Variants in TAPT1 observed in about 807,000 individuals in gnomAD.
TAPT1 encodes transmembrane anterior posterior transformation protein 1 homolog.
TAPT1 carries 28 observed loss-of-function variants against 65.6 expected under a neutral mutation model. The observed-to-expected ratio is 0.43, with a 90% CI of 0.32 to 0.59. The LOEUF (loss-of-function observed/expected upper bound fraction) is 0.59. Ranked by LOEUF, TAPT1 falls within the 20% of genes least tolerant of loss-of-function variation. TAPT1 has a pLI of 0.09. For missense variants in TAPT1, 563 were observed against 679.9 expected (o/e 0.83, Z 1.91); for synonymous variants, 278 against 245.2 (o/e 1.13, Z -1.25).
intron 12 of TAPT1, among the ~76,000 whole-genome samples, chr4:16,167,046 G>C (rs988968058): frequency 1.4e-5 from 2 of 143,414 alleles, no homozygotes; most frequent in African/African-American, 5.2e-5. Flanking sequence ...CCAGGCTGGA[G>C]TGCAGTGGCA....
In TAPT1 at chr4:16,167,041, C is replaced by T. The variant is rs4395495; in HGVS notation, c.1314-248G>A. On this transcript the variant is annotated intron_variant, in intron 12 of 13. Coordinates refer to ENST00000405303, the MANE Select transcript of TAPT1 (RefSeq NM_153365.3). Reference sequence around the variant, plus strand: ...ACAGAGTCTCACTCTGTCACCCAGGCTGGAGTGCAGTGGCACAATCTTGGC... The same window carrying T: ...ACAGAGTCTCACTCTGTCACCCAGGTTGGAGTGCAGTGGCACAATCTTGGC... 0.47 allele frequency among the ~76,000 whole-genome samples: 67,059 copies of T among 142,504 alleles called. 16,827 individuals are homozygous for T. Among genetic ancestry groups the T allele is most frequent in the African/African-American group, 0.66 (24,986 of 37,868 alleles). The allele number at this position is 142,504 out of a possible 152,430, so 93.5% of individuals were successfully genotyped here. A position where few individuals can be genotyped will look rare whatever the true frequency, so the allele number is the denominator to read the frequency against.
At chr4:16,165,587 T>TA (rs1229076890) in intron 13 of TAPT1, among the ~76,000 whole-genome samples, 1 of 142,278 alleles carries the variant, frequency 7.0e-6, no homozygotes, top group Non-Finnish European at 1.5e-5. Flanking sequence ...AAAAAAAAAA[T>TA]ACATCATTTA....
intron 1 of TAPT1, among the ~76,000 whole-genome samples, chr4:16,220,215 A>G (rs1751168374): frequency 6.6e-6 from 1 of 152,244 alleles, no homozygotes; most frequent in African/African-American, 2.4e-5. Context: ...TATTTAGCAA[A>G]GCCACTGTTC....
chr4:16,163,108 A>C lies in TAPT1; in HGVS notation c.*200T>G, dbSNP rs1747360120. 1.6e-6 allele frequency: 1 copy of C among 644,558 alleles called. No homozygotes were observed. The highest frequency in any genetic ancestry group is 1.8e-5 in the African/African-American group (1 of 56,028). 39.9% of individuals were successfully genotyped at this position (644,558 alleles called of 1,614,324 possible). A position where few individuals can be genotyped will look rare whatever the true frequency, so the allele number is the denominator to read the frequency against. The stretch of plus-strand genomic sequence containing the variant: ...ATCCATCAAGCTTCCCAGACAGTCA[A>C]GGCCGGAGGTCGCTCCTGTCCTGTG... On this transcript the variant is annotated 3_prime_UTR_variant, in exon 14 of 14. Transcript: ENST00000405303.
chr4:16,206,876 G>C (rs1560181592), intron 2 of TAPT1, among the ~76,000 whole-genome samples: 3 of 152,168 alleles, frequency 2.0e-5, no homozygotes, highest in Admixed American at 1.3e-4. Context: ...GGCTTTGCTG[G>C]CTTGTCTTAG....
chr4:16,169,467 T>G (rs1747851905), intron 12 of TAPT1, among the ~76,000 whole-genome samples: 1 of 152,194 alleles, frequency 6.6e-6, no homozygotes. Context: ...AGAATCTACA[T>G]TAGAAAAGGA....
chr4:16,224,942 C>A (rs1196457229), intron 1 of TAPT1, among the ~76,000 whole-genome samples: 1 of 152,168 alleles, frequency 6.6e-6, no homozygotes, highest in East Asian at 1.9e-4. Context: ...TATAGTGAAG[C>A]CTGGCTACAT....
In TAPT1 at chr4:16,186,791, A is replaced by G. The variant is rs770743888; in HGVS notation, c.836T>C (p.Met279Thr). Residue 279 changes from methionine to threonine, a missense_variant, in exon 6 of 14, where the codon ATG becomes ACG. By Grantham distance (81) the Met-to-Thr change is moderately conservative. Coordinates refer to ENST00000405303, the MANE Select transcript of TAPT1 (RefSeq NM_153365.3). ...AAATCTCATACTTACATTATTAGAC[A>G]TCATGATAGTAAGCAAAGACTTGTT... is the stretch of plus-strand genomic sequence containing the variant. ...SHNKSLLTIM[M>T]SNNFVEIKGS... is the part of the protein sequence containing the mutation. 1.3e-6 allele frequency: 2 copies of G among 1,596,480 alleles called. No individual in the cohort carries two copies. Among genetic ancestry groups the G allele is most frequent in the Non-Finnish European group, 1.7e-6 (2 of 1,164,578 alleles).
In TAPT1 at chr4:16,186,830, G is replaced by C. The variant is rs535433678; in HGVS notation, c.797C>G (p.Ala266Gly). 2 of 1,612,100 alleles carry C rather than the reference G, an allele frequency of 1.2e-6. No individual in the cohort carries two copies. Among genetic ancestry groups the C allele is most frequent in the East Asian group, 4.5e-5 (2 of 44,760 alleles). Residue 266 changes from alanine (A) to glycine (G), a missense_variant, in exon 6 of 14, where the codon GCT becomes GGT. Transcript: ENST00000405303. The part of the protein sequence containing the change: ...IMVQATTLNV[A>G]FNSHNKSLLT... ...CAAAGACTTGTTGTGTGAGTTAAAA[G>C]CTACATTGAGAGTTGTTGCTTGAAC... is the stretch of plus-strand genomic sequence containing the variant.
At chr4:16,165,528 C>T (rs995223383) in intron 13 of TAPT1, among the ~76,000 whole-genome samples, 5 of 151,014 alleles carry the variant, frequency 3.3e-5, no homozygotes, top group Non-Finnish European at 7.4e-5. Context: ...CGAGATCACG[C>T]CACTGCACTC....
chr4:16,182,778 G>T (rs1005613787), intron 7 of TAPT1: 1 of 152,142 alleles, frequency 6.6e-6, no homozygotes, highest in South Asian at 2.1e-4. Context: ...ATGTTAAAAT[G>T]AAGTGAAGAA....
chr4:16,163,882 T>C (rs1338749432), intron 13 of TAPT1, among the ~76,000 whole-genome samples: 1 of 152,160 alleles, frequency 6.6e-6, no homozygotes, highest in Non-Finnish European at 1.5e-5. Flanking sequence ...ACATTAACAC[T>C]TGCTCCAATA....
intron 2 of TAPT1, among the ~76,000 whole-genome samples, chr4:16,211,179 T>C (rs2149710348): frequency 6.6e-6 from 1 of 151,932 alleles, no homozygotes; most frequent in African/African-American, 2.4e-5. Context: ...AATTTTCAAG[T>C]TTCTCTTCCT....
intron 2 of TAPT1, among the ~76,000 whole-genome samples, chr4:16,210,048 T>C (rs73798875): frequency 0.18 from 26,858 of 152,124 alleles, 4,763 homozygotes; most frequent in African/African-American, 0.46. Flanking sequence ...CATGTGCCCA[T>C]TGAGGCCAGA....
At chr4:16,224,164 T>G (rs1452716763) in intron 1 of TAPT1, among the ~76,000 whole-genome samples, 4 of 152,264 alleles carry the variant, frequency 2.6e-5, no homozygotes, top group African/African-American at 9.6e-5. Flanking sequence ...AGAAATGCTA[T>G]CCAAATGACT....
intron 3 of TAPT1, among the ~76,000 whole-genome samples, chr4:16,198,276 T>C (rs962924126): frequency 6.6e-6 from 1 of 152,224 alleles, no homozygotes; most frequent in Admixed American, 6.5e-5. Flanking sequence ...GGGGTCTATG[T>C]GCTTTAAAAA....
At chr4:16,177,324 C>T (rs1748395696) in intron 8 of TAPT1, among the ~76,000 whole-genome samples, 1 of 152,122 alleles carries the variant, frequency 6.6e-6, no homozygotes, top group Non-Finnish European at 1.5e-5. Context: ...ATGAAACACA[C>T]CTACAGACAA....
intron 7 of TAPT1, among the ~76,000 whole-genome samples, chr4:16,186,028 T>C (rs1748993229): frequency 6.6e-6 from 1 of 152,226 alleles, no homozygotes; most frequent in Admixed American, 6.5e-5. Context: ...CACCACGCAA[T>C]GTGGCTCTGG....
intron 3 of TAPT1, chr4:16,196,616 A>G: frequency 9.2e-7 from 1 of 1,081,330 alleles, no homozygotes; most frequent in Non-Finnish European, 1.3e-6. Context: ...ATGAATGTCA[A>G]TTTGGCCAAG....
Sources: allele counts gnomAD v4.1 joint callset (sites outside exome capture counted in the v4.1 genomes callset), GRCh38; gene constraint gnomAD v4.1.1; transcripts MANE v1.5; gene names NCBI Gene and HGNC (gene_info 2026-07-23, HGNC 2026-07-21).